TAFA4: variants seen among roughly 807,000 people sequenced by gnomAD.
The protein encoded by TAFA4 is chemokine-like protein TAFA-4.
A neutral mutation model predicts 21.1 loss-of-function variants in TAFA4; 20 were observed. The ratio of observed to expected loss-of-function variants is 0.95; its 90% CI spans 0.67 to 1.38. The LOEUF (loss-of-function observed/expected upper bound fraction) is 1.38. TAFA4 is among the 40% of genes most tolerant of loss of function. The pLI is 0.00. For synonymous variants in TAFA4, 71 were observed against 67.4 expected, an observed-to-expected ratio of 1.05 and a Z score of -0.26; for missense variants, 211 against 180.9, an observed-to-expected ratio of 1.17 and a Z score of -0.95.
chr3:68,886,070 GAT>G (rs1438341994), intron 1 of TAFA4, among the ~76,000 whole-genome samples: 3 of 152,142 alleles, frequency 2.0e-5, no homozygotes, highest in African/African-American at 7.2e-5. Context: ...GAAAAATTAT[GAT>G]ATGTGTTAAT....
chr3:68,781,502 G>A (rs991807), intron 3 of TAFA4, among the ~76,000 whole-genome samples: 104,541 of 151,810 alleles, frequency 0.69, 36,512 homozygotes, highest in East Asian at 0.99. Context: ...GAGCAACTTC[G>A]TGCCAATAAG....
chr3:68,886,561 T>C (rs2089674045), intron 1 of TAFA4, among the ~76,000 whole-genome samples: 1 of 152,200 alleles, frequency 6.6e-6, no homozygotes, highest in Admixed American at 6.5e-5. Context: ...ATATTTTTCT[T>C]ATTTTCTTCA....
At chr3:68,770,789 A>G (rs1702941205) in intron 3 of TAFA4, among the ~76,000 whole-genome samples, 1 of 152,160 alleles carries the variant, frequency 6.6e-6, no homozygotes, top group Admixed American at 6.5e-5. Context: ...CCAGGTAGAG[A>G]AGGGTGGGGT....
At position 68,733,068 on chromosome 3, in the gene TAFA4, C is replaced by T. The variant is rs1702177855; in HGVS notation, c.*74G>A. 1.3e-6 allele frequency: 2 copies of T among 1,596,354 alleles called. No individual in the cohort carries two copies. Among genetic ancestry groups the T allele is most frequent in the Admixed American group, 3.4e-5 (2 of 58,318 alleles). On this transcript the variant is annotated 3_prime_UTR_variant, in exon 6 of 6. Coordinates refer to ENST00000295569, the MANE Select transcript of TAFA4 (RefSeq NM_182522.5). ...TCCTAGACAATTTTCTGCAAAGGGGCCATGATGGGAATCCAAGCAAAAGAG... is the reference window on the plus strand; with the variant it reads ...TCCTAGACAATTTTCTGCAAAGGGGTCATGATGGGAATCCAAGCAAAAGAG...
Position 68,885,289 on chromosome 3 carries a change from A to C in TAFA4, c.-101T>G. 9.1e-7 allele frequency: 1 copy of C among 1,098,252 alleles called. No homozygotes were observed. The highest frequency in any genetic ancestry group is 1.3e-6 in the Non-Finnish European group (1 of 760,692). The allele number at this position is 1,098,252 out of a possible 1,614,324, so 68.0% of individuals were successfully genotyped here. Reference sequence around the variant, plus strand: ...AACCAATCATTTCTGCCGTTCCAAAAAATTATCGTAGCTCAGAAGACCTAT... The same window carrying C: ...AACCAATCATTTCTGCCGTTCCAAACAATTATCGTAGCTCAGAAGACCTAT... On this transcript the variant is annotated 5_prime_UTR_variant, in exon 2 of 6. Transcript: ENST00000295569.
intron 1 of TAFA4, among the ~76,000 whole-genome samples, chr3:68,911,494 T>C (rs893074467): frequency 1.3e-5 from 2 of 152,110 alleles, no homozygotes; most frequent in East Asian, 1.9e-4. Context: ...TCAACTCAGA[T>C]AGAGAAACAG....
At chr3:68,885,350 G>A in intron 1 of TAFA4, 40 bp from the exon 2 acceptor site, 1 of 589,934 alleles carries the variant, frequency 1.7e-6, no homozygotes, top group South Asian at 2.3e-5. Context: ...GAATCAATTA[G>A]CATTTTAATG....
chr3:68,846,812 G>A (rs1020837620), intron 3 of TAFA4, among the ~76,000 whole-genome samples: 6 of 152,246 alleles, frequency 3.9e-5, no homozygotes, highest in South Asian at 2.1e-4. Context: ...CTGGAGGTCC[G>A]CTCCAGACCC....
At chr3:68,762,318 G>T (rs1702771221) in intron 3 of TAFA4, among the ~76,000 whole-genome samples, 3 of 152,128 alleles carry the variant, frequency 2.0e-5, no homozygotes, top group Admixed American at 1.3e-4. Flanking sequence ...TTGAGAAATG[G>T]TGTTATCAAG....
chr3:68,837,724 C>G (rs777137111), intron 3 of TAFA4, among the ~76,000 whole-genome samples: 4 of 152,014 alleles, frequency 2.6e-5, no homozygotes, highest in Non-Finnish European at 5.9e-5. Context: ...AGGATTGGGA[C>G]AAAGGTTAAG....
chr3:68,811,604 C>T (rs910345524), intron 3 of TAFA4, among the ~76,000 whole-genome samples: 9 of 151,716 alleles, frequency 5.9e-5, no homozygotes, highest in African/African-American at 1.7e-4. Context: ...TGAAATGAAG[C>T]GAGAAGAGAA....
intron 3 of TAFA4, among the ~76,000 whole-genome samples, chr3:68,754,734 A>C (rs1464607801): frequency 6.6e-6 from 1 of 152,182 alleles, no homozygotes; most frequent in Non-Finnish European, 1.5e-5. Context: ...TAGTTTTAGT[A>C]CCCATTGATG....
At chr3:68,803,064 T>C (rs1703610293) in intron 3 of TAFA4, among the ~76,000 whole-genome samples, 1 of 152,156 alleles carries the variant, frequency 6.6e-6, no homozygotes, top group Non-Finnish European at 1.5e-5. Context: ...TGAAATGCCA[T>C]CCAAAATGAT....
intron 5 of TAFA4, among the ~76,000 whole-genome samples, chr3:68,733,368 G>T (rs1456771732): frequency 6.6e-6 from 1 of 152,106 alleles, no homozygotes; most frequent in African/African-American, 2.4e-5. Flanking sequence ...CCATAAGAGG[G>T]TATTATGCAG....
chr3:68,742,805 G>C (rs1336359255), intron 4 of TAFA4, among the ~76,000 whole-genome samples: 1 of 152,192 alleles, frequency 6.6e-6, no homozygotes, highest in Non-Finnish European at 1.5e-5. Context: ...CTAGGGCAAG[G>C]TCACAGAGTC....
In TAFA4 at chr3:68,873,333, G is replaced by GACACACAC. The variant is rs1348018956; in HGVS notation, c.130+7396_130+7397insGTGTGTGT. 1.7e-4 allele frequency among the ~76,000 whole-genome samples: 8 copies of GACACACAC among 46,978 alleles called. No homozygotes were observed. The East Asian group carries it at 8.2e-3, about 48-fold the overall frequency. 30.8% of individuals were successfully genotyped at this position (46,978 alleles called of 152,430 possible). ...CACACACAACAGACAGACACACGCAGACATACACACACACACACACACACA... is the reference window on the plus strand; with the variant it reads ...CACACACAACAGACAGACACACGCAGACACACACACATACACACACACACACACACACA... On this transcript the variant is annotated intron_variant, in intron 3 of 5. Coordinates refer to ENST00000295569, the MANE Select transcript of TAFA4 (RefSeq NM_182522.5).
chr3:68,756,232 G>A (rs1251590835), intron 3 of TAFA4, among the ~76,000 whole-genome samples: 1 of 152,198 alleles, frequency 6.6e-6, no homozygotes, highest in Non-Finnish European at 1.5e-5. Context: ...CCCAGCTGGG[G>A]AGACTTACCT....
intron 3 of TAFA4, among the ~76,000 whole-genome samples, chr3:68,838,395 C>T (rs1271776921): frequency 6.6e-6 from 1 of 152,080 alleles, no homozygotes; most frequent in East Asian, 1.9e-4. Flanking sequence ...TTATTGAACA[C>T]CAAATGTTTT....
intron 1 of TAFA4, among the ~76,000 whole-genome samples, chr3:68,915,001 A>G (rs2089991288): frequency 6.6e-6 from 1 of 152,240 alleles, no homozygotes; most frequent in African/African-American, 2.4e-5. Flanking sequence ...AACAGTAGCT[A>G]TAACAGAGTT....
Sources: gnomAD v4.1 joint callset for allele counts (sites outside exome capture counted in the v4.1 genomes callset) on GRCh38, gnomAD v4.1.1 for gene constraint, MANE v1.5 for transcripts, NCBI Gene and HGNC (gene_info 2026-07-23, HGNC 2026-07-21) for gene names.